SUPT3H: variants seen among roughly 807,000 people sequenced by gnomAD.
SUPT3H encodes SPT3 homolog, SAGA and STAGA complex component.
Under a neutral mutation model 44.3 loss-of-function variants are expected in SUPT3H, and 44 were observed. The ratio of observed to expected loss-of-function variants is 0.99; its 90% CI spans 0.78 to 1.28. SUPT3H has a LOEUF of 1.28. SUPT3H is among the 50% of genes most tolerant of loss of function. The pLI is 0.00. For missense variants in SUPT3H, 380 were observed against 387.1 expected (o/e 0.98, Z 0.15); for synonymous variants, 124 against 125.6 (o/e 0.99, Z 0.09).
intron 2 of SUPT3H, among the ~76,000 whole-genome samples, chr6:45,363,605 T>G (rs1794636952): frequency 6.6e-6 from 1 of 152,086 alleles, no homozygotes; most frequent in African/African-American, 2.4e-5. Flanking sequence ...TGCTTAGTAT[T>G]TTTAAACATA....
At chr6:44,978,899 T>C (rs951405119) in intron 6 of SUPT3H, among the ~76,000 whole-genome samples, 1 of 152,156 alleles carries the variant, frequency 6.6e-6, no homozygotes, top group South Asian at 2.1e-4. Context: ...ATGGACAACA[T>C]TGAAATAAGT....
intron 6 of SUPT3H, among the ~76,000 whole-genome samples, chr6:44,965,755 A>T (rs1435099092): frequency 1.3e-5 from 2 of 152,200 alleles, no homozygotes; most frequent in Non-Finnish European, 1.5e-5. Context: ...ACATCTGAGT[A>T]TTATATTTTC....
intron 2 of SUPT3H, among the ~76,000 whole-genome samples, chr6:45,113,559 C>T (rs570828685): frequency 2.6e-5 from 4 of 152,166 alleles, no homozygotes; most frequent in East Asian, 1.9e-4. Flanking sequence ...TAAGGCTGGG[C>T]GTGGTGGCTC....
chr6:45,314,125 C>T (rs1276336236), intron 2 of SUPT3H, among the ~76,000 whole-genome samples: 1 of 152,086 alleles, frequency 6.6e-6, no homozygotes, highest in African/African-American at 2.4e-5. Context: ...GCAAAATCAA[C>T]ATACAAGGGA....
chr6:45,177,817 G>T (rs1027218864), intron 2 of SUPT3H, among the ~76,000 whole-genome samples: 2 of 151,914 alleles, frequency 1.3e-5, no homozygotes, highest in East Asian at 3.9e-4. Flanking sequence ...TCCAGCCAAA[G>T]TAAGCTTCAT....
chr6:45,275,543 T>C (rs1776875695), intron 2 of SUPT3H, among the ~76,000 whole-genome samples: 1 of 152,190 alleles, frequency 6.6e-6, no homozygotes, highest in African/African-American at 2.4e-5. Context: ...TTGAAGAGAC[T>C]AAGAAGATAG....
intron 2 of SUPT3H, among the ~76,000 whole-genome samples, chr6:45,321,140 T>A (rs1237329019): frequency 1.3e-5 from 2 of 152,190 alleles, no homozygotes; most frequent in African/African-American, 4.8e-5. Flanking sequence ...TTGCCATATA[T>A]AAATAAACTG....
At chr6:44,937,640 T>C (rs1255682276) in intron 9 of SUPT3H, among the ~76,000 whole-genome samples, 1 of 152,236 alleles carries the variant, frequency 6.6e-6, no homozygotes, top group Non-Finnish European at 1.5e-5. Flanking sequence ...TGTAAAATGA[T>C]ATCTCATTGT....
intron 2 of SUPT3H, among the ~76,000 whole-genome samples, chr6:45,130,945 G>A (rs965680158): frequency 6.6e-6 from 1 of 151,594 alleles, no homozygotes; most frequent in Non-Finnish European, 1.5e-5. Context: ...TCGAACTCCC[G>A]ACCTCAGGTG....
intron 2 of SUPT3H, among the ~76,000 whole-genome samples, chr6:45,168,314 T>C (rs567961747): frequency 9.3e-4 from 142 of 152,268 alleles, no homozygotes; most frequent in African/African-American, 3.2e-3. Context: ...GTGTTTAGGA[T>C]TTCAAATTTT....
chr6:45,195,348 T>A lies in SUPT3H; in HGVS notation c.102-89342A>T, dbSNP rs144643957. 4.1e-3 allele frequency among the ~76,000 whole-genome samples: 621 copies of A among 152,288 alleles called. 6 individuals carry two copies. The highest frequency in any genetic ancestry group is 0.014 in the African/African-American group (582 of 41,562). On this transcript the variant is annotated intron_variant, in intron 2 of 10. Coordinates refer to ENST00000371459, the MANE Select transcript of SUPT3H (RefSeq NM_003599.4). ...CTAGGTACAGGTGTGTAGGTTTTAA[T>A]GCTCTCAGCCTATGGAATGCCTGAC...
Position 44,866,600 on chromosome 6 carries a change from G to A in SUPT3H, c.913-36743C>T, listed in dbSNP as rs140516697. On this transcript the variant is annotated intron_variant, in intron 10 of 10. Coordinates refer to ENST00000371459, the MANE Select transcript of SUPT3H (RefSeq NM_003599.4). Reference sequence around the variant, plus strand: ...CCTTCTAGTGCCCAACTCCTTTTAGGCTTTACTGTGTGTCAAATTAGGTTT... The same window carrying A: ...CCTTCTAGTGCCCAACTCCTTTTAGACTTTACTGTGTGTCAAATTAGGTTT... 1.3e-4 allele frequency among the ~76,000 whole-genome samples: 19 copies of A among 151,970 alleles called. No homozygotes were observed. In the East Asian group the frequency reaches 3.5e-3, roughly 28 times the overall value.
intron 2 of SUPT3H, among the ~76,000 whole-genome samples, chr6:45,279,933 T>G (rs1303088134): frequency 6.6e-6 from 1 of 152,162 alleles, no homozygotes; most frequent in African/African-American, 2.4e-5. Flanking sequence ...CCTGCTCTAC[T>G]TGCACTCCAT....
chr6:45,024,561 T>C (rs953440738), intron 3 of SUPT3H, among the ~76,000 whole-genome samples: 1 of 152,242 alleles, frequency 6.6e-6, no homozygotes, highest in African/African-American at 2.4e-5. Context: ...TTTCCACTAA[T>C]TATATTTATT....
intron 2 of SUPT3H, among the ~76,000 whole-genome samples, chr6:45,259,598 G>A (rs899337079): frequency 2.7e-5 from 4 of 149,912 alleles, no homozygotes; most frequent in African/African-American, 9.7e-5. Flanking sequence ...TCTCATTGCA[G>A]GATAAGACTC....
intron 3 of SUPT3H, among the ~76,000 whole-genome samples, chr6:45,046,207 A>G (rs1482093237): frequency 6.6e-6 from 1 of 152,190 alleles, no homozygotes; most frequent in East Asian, 1.9e-4. Flanking sequence ...AAATTATCTA[A>G]CCTGTCAAAC....
chr6:45,306,787 TGCA>T (rs950782495), intron 2 of SUPT3H, among the ~76,000 whole-genome samples: 1 of 110,312 alleles, frequency 9.1e-6, no homozygotes, highest in African/African-American at 3.0e-5. Context: ...AGACAGTGGG[TGCA>T]GGACAGTGGG....
At chr6:45,318,653 A>T (rs971115667) in intron 2 of SUPT3H, among the ~76,000 whole-genome samples, 5 of 150,332 alleles carry the variant, frequency 3.3e-5, no homozygotes, top group Non-Finnish European at 7.5e-5. Flanking sequence ...CATGCAGTAA[A>T]TAACTAAATA....
chr6:44,820,496 C>G (rs1447128122), intron 11 of SUPT3H, among the ~76,000 whole-genome samples: 1 of 152,086 alleles, frequency 6.6e-6, no homozygotes, highest in Non-Finnish European at 1.5e-5. Context: ...AAGCTAAAGG[C>G]TGGAGAAGAA....
Sources: allele counts gnomAD v4.1 joint callset (sites outside exome capture counted in the v4.1 genomes callset), GRCh38; gene constraint gnomAD v4.1.1; transcripts MANE v1.5; gene names NCBI Gene and HGNC (gene_info 2026-07-23, HGNC 2026-07-21).